The following MYO3A variants were observed in gnomAD, a reference collection of about 807,000 sequenced individuals.
MYO3A encodes myosin IIIA.
A neutral mutation model predicts 192.7 loss-of-function variants in MYO3A; 180 were observed. That is an observed-to-expected ratio of 0.93 (90% CI 0.83 to 1.06). MYO3A has a LOEUF of 1.06. Ranked by LOEUF, MYO3A falls within the 50% of genes least tolerant of loss-of-function variation. The pLI, the probability that MYO3A is intolerant of heterozygous loss-of-function variation, is 0.00. For synonymous variants in MYO3A, 628 were observed against 645.3 expected (o/e 0.97, Z 0.41); for missense variants, 1,896 against 1,905.0 (o/e 1.00, Z 0.09).
At chr10:26,013,604 A>T (rs1386447438) in intron 6 of MYO3A, among the ~76,000 whole-genome samples, 2 of 152,152 alleles carry the variant, frequency 1.3e-5, no homozygotes, top group Admixed American at 6.5e-5. Flanking sequence ...ATTACTAAAA[A>T]GTGTGAATAC....
chr10:25,938,055 C>T, intron 2 of MYO3A, among the ~76,000 whole-genome samples: 1 of 152,178 alleles, frequency 6.6e-6, no homozygotes, highest in Admixed American at 6.5e-5. Context: ...TAGTGTTTTA[C>T]AGGGCAAATT....
At chr10:26,192,674 A>T (rs1485613563) in intron 31 of MYO3A, among the ~76,000 whole-genome samples, 1 of 109,252 alleles carries the variant, frequency 9.2e-6, no homozygotes, top group Non-Finnish European at 1.8e-5. Context: ...TTTTCTTGAG[A>T]CAGAGTTTTG....
chr10:25,966,004 A>C (rs1838241196), intron 4 of MYO3A, among the ~76,000 whole-genome samples: 1 of 151,052 alleles, frequency 6.6e-6, no homozygotes, highest in South Asian at 2.1e-4. Context: ...CAGCAATATG[A>C]AGTTAAAACC....
chr10:26,146,128 A>G (rs1316807178), intron 22 of MYO3A, among the ~76,000 whole-genome samples: 1 of 152,224 alleles, frequency 6.6e-6, no homozygotes, highest in Non-Finnish European at 1.5e-5. Context: ...AAATGTCTCT[A>G]CATTGACAGA....
chr10:25,993,378 C>T lies in MYO3A; in HGVS notation c.304-3112C>T, dbSNP rs923514527. ...ATATCCCCTTCATGATTTTTTATTG[C>T]ATCTGTTTGATTCTTCTCTCTTTTC... On this transcript the variant is annotated intron_variant, in intron 4 of 34. Transcript: ENST00000642920. Among the ~76,000 whole-genome samples, 5 of 152,108 alleles carry T rather than the reference C, an allele frequency of 3.3e-5. 1 individual carries two copies. The highest frequency in any genetic ancestry group is 3.3e-4 in the Admixed American group (5 of 15,274).
At chr10:25,977,484 C>T (rs563406253) in intron 4 of MYO3A, among the ~76,000 whole-genome samples, 1 of 152,248 alleles carries the variant, frequency 6.6e-6, no homozygotes, top group Admixed American at 6.5e-5. Flanking sequence ...ACAGCAGATA[C>T]AGCCATAGTC....
chr10:26,208,558 G>T (rs1466219927), intron 34 of MYO3A, among the ~76,000 whole-genome samples: 1 of 152,074 alleles, frequency 6.6e-6, no homozygotes, highest in Non-Finnish European at 1.5e-5. Flanking sequence ...GATATACCTG[G>T]CAGATAGTTG....
At chr10:26,020,017 C>A (rs1842216429) in intron 7 of MYO3A, among the ~76,000 whole-genome samples, 1 of 151,060 alleles carries the variant, frequency 6.6e-6, no homozygotes, top group East Asian at 1.9e-4. Flanking sequence ...ATCAAACTAA[C>A]TCTTAAGTTG....
chr10:26,189,498 G>A (rs1274262579), intron 31 of MYO3A, among the ~76,000 whole-genome samples: 3 of 152,208 alleles, frequency 2.0e-5, no homozygotes, highest in Admixed American at 2.0e-4. Context: ...CATTGAACAA[G>A]CTTAAGATTT....
At chr10:26,064,690 C>T (rs1834705464) in intron 10 of MYO3A, among the ~76,000 whole-genome samples, 1 of 151,920 alleles carries the variant, frequency 6.6e-6, no homozygotes, top group South Asian at 2.1e-4. Flanking sequence ...AAATGTCTAG[C>T]CCTAGATAGA....
chr10:26,162,305 T>A (rs990632601), intron 26 of MYO3A, among the ~76,000 whole-genome samples: 3 of 152,210 alleles, frequency 2.0e-5, no homozygotes, highest in Admixed American at 2.0e-4. Context: ...CAGAGAATAA[T>A]AAAAGTAATA....
At chr10:25,968,147 A>T (rs1196321353) in intron 4 of MYO3A, among the ~76,000 whole-genome samples, 1 of 152,202 alleles carries the variant, frequency 6.6e-6, no homozygotes, top group Admixed American at 6.5e-5. Context: ...CTGAAAACTA[A>T]TGAGAAGGAT....
chr10:25,960,467 C>G (rs1230370405), intron 4 of MYO3A, among the ~76,000 whole-genome samples: 1 of 152,092 alleles, frequency 6.6e-6, no homozygotes, highest in African/African-American at 2.4e-5. Context: ...TCCCCTAAAA[C>G]TTAACTACTA....
rs751769039 is a variant in MYO3A at position 26,145,465 on chromosome 10, G to C, written c.2436G>C (p.Leu812=). Residue 812 remains leucine, a synonymous_variant, in exon 22 of 35, where the codon CTG becomes CTC. Transcript: ENST00000642920. ...CTACAGAAAAATTTGAAGGTAACCT[G>C]AAATCACAATACTTCTGGAGACCCA... The part of the protein sequence containing the change: ...QTLVEKFEGN[L]KSQYFWRPKR... 1.2e-6 allele frequency: 2 copies of C among 1,607,716 alleles called. No individual in the cohort carries two copies. Among genetic ancestry groups the C allele is most frequent in the Non-Finnish European group, 1.7e-6 (2 of 1,174,270 alleles).
intron 4 of MYO3A, among the ~76,000 whole-genome samples, chr10:25,980,166 G>A (rs1345753609): frequency 6.6e-6 from 1 of 151,874 alleles, no homozygotes; most frequent in East Asian, 1.9e-4. Flanking sequence ...GAACCTGGGA[G>A]GTGGAGCTTG....
chr10:25,978,950 G>A (rs77536988), intron 4 of MYO3A, among the ~76,000 whole-genome samples: 6,583 of 152,100 alleles, frequency 0.043, 180 homozygotes, highest in Middle Eastern at 0.068. Flanking sequence ...ATTGCCTCTC[G>A]TCTGCTACTT....
rs57336459 is a variant in MYO3A, at chr10:26,078,130, C to CTTTTTTTTTTT, written c.1359+7734_1359+7744dup. On this transcript the variant is annotated intron_variant, in intron 14 of 34. Coordinates refer to ENST00000642920, the MANE Select transcript of MYO3A (RefSeq NM_017433.5). ...TGCTGTGAATCCATCTGGTCCTGGACTTTTTTTTTTTTTTTGGTAATTTTA... is the reference window on the plus strand; with the variant it reads ...TGCTGTGAATCCATCTGGTCCTGGACTTTTTTTTTTTTTTTTTTTTTTTTTTGGTAATTTTA... Among the ~76,000 whole-genome samples, 36 of 122,288 alleles carry CTTTTTTTTTTT rather than the reference C, an allele frequency of 2.9e-4. 1 individual carries two copies. The highest frequency in any genetic ancestry group is 9.0e-4 in the African/African-American group (29 of 32,132). The allele number at this position is 122,288 out of a possible 152,430, so 80.2% of individuals were successfully genotyped here. A position where few individuals can be genotyped will look rare whatever the true frequency, so the allele number is the denominator to read the frequency against.
At chr10:26,096,132 A>C (rs1177872745) in intron 15 of MYO3A, among the ~76,000 whole-genome samples, 1 of 152,258 alleles carries the variant, frequency 6.6e-6, no homozygotes, top group African/African-American at 2.4e-5. Flanking sequence ...CGCCTGGAAC[A>C]GTGCCTGGAA....
chr10:26,013,689 TC>T (rs1441414237), intron 6 of MYO3A, among the ~76,000 whole-genome samples: 1 of 152,040 alleles, frequency 6.6e-6, no homozygotes, highest in Non-Finnish European at 1.5e-5. Context: ...TAGTACAACC[TC>T]TATGGAAAAT....
Sources: allele counts gnomAD v4.1 joint callset (sites outside exome capture counted in the v4.1 genomes callset), GRCh38; gene constraint gnomAD v4.1.1; transcripts MANE v1.5; gene names NCBI Gene and HGNC (gene_info 2026-07-23, HGNC 2026-07-21).